Variants in DPF3 observed in about 807,000 individuals in gnomAD.
DPF3 encodes the protein double PHD fingers 3, also known as zinc finger protein DPF3.
DPF3 carries 18 observed loss-of-function variants against 56.8 expected under a neutral mutation model. The observed-to-expected ratio is 0.32, with a 90% confidence interval of 0.22 to 0.47. The LOEUF is 0.47. Among genes scored for constraint, DPF3 ranks in the 20% least tolerant of loss-of-function variants. DPF3 has a pLI of 1.00. For missense variants in DPF3, 403 were observed against 488.8 expected (o/e 0.82, Z 1.65); for synonymous variants, 188 against 180.2 (o/e 1.04, Z -0.35).
rs1878574044 is a variant in DPF3, at chr14:72,731,825, T to C, written c.411A>G (p.Glu137=). Reference sequence around the variant, plus strand: ...GGAATACCTGTATTTCCTGGATGCTTTCCTCCTCCCTGGCATCCACCTTCT... The same window carrying C: ...GGAATACCTGTATTTCCTGGATGCTCTCCTCCTCCCTGGCATCCACCTTCT... ...VEKKVDAREE[E]SIQEIQRVLE... is the part of the protein sequence containing the mutation. Residue 137 remains glutamate, a synonymous_variant, in exon 4 of 11, where the codon GAA becomes GAG. Coordinates refer to ENST00000556509, the MANE Select transcript of DPF3 (RefSeq NM_001280542.3). 6.2e-7 allele frequency: 1 copy of C among 1,613,388 alleles called. No individual in the cohort carries two copies. Among genetic ancestry groups the C allele is most frequent in the Non-Finnish European group, 8.5e-7 (1 of 1,179,776 alleles).
chr14:72,748,333 G>A (rs1229080459), intron 3 of DPF3, among the ~76,000 whole-genome samples: 1 of 152,240 alleles, frequency 6.6e-6, no homozygotes, highest in African/African-American at 2.4e-5. Context: ...ACTTGAGAGA[G>A]ATGATTTAGG....
chr14:72,732,694 A>G (rs1157868992), intron 3 of DPF3, among the ~76,000 whole-genome samples: 1 of 152,156 alleles, frequency 6.6e-6, no homozygotes, highest in Non-Finnish European at 1.5e-5. Flanking sequence ...GGTTGCCAGC[A>G]GAGAAGTGGC....
intron 1 of DPF3, among the ~76,000 whole-genome samples, chr14:72,803,757 A>C (rs1892978884): frequency 6.6e-6 from 1 of 152,234 alleles, no homozygotes; most frequent in Non-Finnish European, 1.5e-5. Context: ...TGAATGCGTG[A>C]ACACATGAAT....
chr14:72,631,321 G>T (rs1378226295), intron 8 of DPF3, among the ~76,000 whole-genome samples: 5 of 152,166 alleles, frequency 3.3e-5, no homozygotes, highest in Non-Finnish European at 7.4e-5. Context: ...TGGCCCCAAA[G>T]AAAAAGAAGC....
intron 1 of DPF3, among the ~76,000 whole-genome samples, chr14:72,893,285 C>A (rs1203621205): frequency 1.3e-5 from 2 of 152,176 alleles, no homozygotes; most frequent in African/African-American, 4.8e-5. Context: ...ATAAGACCTG[C>A]GGCTTCCCTG....
At chr14:72,863,088 ATATATATATATATG>A (rs1444640708) in intron 1 of DPF3, among the ~76,000 whole-genome samples, 26 of 112,600 alleles carry the variant, frequency 2.3e-4, no homozygotes, top group African/African-American at 6.5e-4. Flanking sequence ...ATATATATAT[ATATATATATATATG>A]TGTGTGTATA....
At chr14:72,658,029 C>A (rs1886105522) in intron 8 of DPF3, among the ~76,000 whole-genome samples, 1 of 152,224 alleles carries the variant, frequency 6.6e-6, no homozygotes, top group African/African-American at 2.4e-5. Flanking sequence ...CAGCCTAACT[C>A]TCTTACAAAG....
intron 1 of DPF3, among the ~76,000 whole-genome samples, chr14:72,875,655 A>G (rs1886083645): frequency 6.6e-6 from 1 of 152,202 alleles, no homozygotes; most frequent in Non-Finnish European, 1.5e-5. Context: ...GCTCCCCACC[A>G]TGGAGTGTCT....
chr14:72,619,390 A>AG, intron 10 of DPF3, 23 bp from the exon 11 acceptor site: 1 of 1,535,986 alleles, frequency 6.5e-7, no homozygotes, highest in Admixed American at 2.0e-5. Flanking sequence ...AGACGGCTTT[A>AG]GTAGCAGCCC....
At chr14:72,837,009 A>T (rs1884324307) in intron 1 of DPF3, among the ~76,000 whole-genome samples, 1 of 152,032 alleles carries the variant, frequency 6.6e-6, no homozygotes. Flanking sequence ...AGCTGGAATT[A>T]CAGGCGCGCA....
intron 6 of DPF3, among the ~76,000 whole-genome samples, chr14:72,697,878 C>G (rs1209402589): frequency 6.6e-6 from 1 of 152,168 alleles, no homozygotes; most frequent in Non-Finnish European, 1.5e-5. Context: ...CCTGGCCAGG[C>G]CTGACCCAGC....
At chr14:72,837,520 C>T (rs1884349219) in intron 1 of DPF3, among the ~76,000 whole-genome samples, 1 of 151,700 alleles carries the variant, frequency 6.6e-6, no homozygotes. Flanking sequence ...GGTGGATCAT[C>T]AGAGGTCAGG....
In DPF3 at chr14:72,617,894, C is replaced by T. The variant is rs890047180; in HGVS notation, c.*1403G>A. On this transcript the variant is annotated 3_prime_UTR_variant, in exon 11 of 11. Transcript: ENST00000556509. ...GCCAAGCATGCGCGAGGGTTCCGCT[C>T]ACCGAGACCTGCCCTTTGGGCAAAT... 6.6e-6 allele frequency among the ~76,000 whole-genome samples: 1 copy of T among 152,192 alleles called. No homozygotes were observed. The highest frequency in any genetic ancestry group is 1.5e-5 in the Non-Finnish European group (1 of 68,038).
At chr14:72,852,996 T>A (rs956522933) in intron 1 of DPF3, among the ~76,000 whole-genome samples, 2 of 150,960 alleles carry the variant, frequency 1.3e-5, no homozygotes, top group East Asian at 1.9e-4. Flanking sequence ...TGATTTTTTT[T>A]TAATTAAACT....
chr14:72,859,967 CAAA>C (rs5809595), intron 1 of DPF3, among the ~76,000 whole-genome samples: 3 of 131,868 alleles, frequency 2.3e-5, no homozygotes, highest in Admixed American at 7.6e-5. Flanking sequence ...ATTTAACTGA[CAAA>C]AAAAAAAAAA....
intron 2 of DPF3, among the ~76,000 whole-genome samples, chr14:72,764,805 C>T (rs1164630311): frequency 6.6e-6 from 1 of 152,060 alleles, no homozygotes; most frequent in Non-Finnish European, 1.5e-5. Context: ...TTCCTGAGTT[C>T]CAGCAAATGA....
intron 1 of DPF3, among the ~76,000 whole-genome samples, chr14:72,779,586 C>T (rs74923676): frequency 3.3e-4 from 50 of 152,296 alleles, no homozygotes; most frequent in African/African-American, 1.0e-3. Context: ...AATAGCTACA[C>T]AACCCTCAGC....
At chr14:72,790,850 G>C (rs1159109779) in intron 1 of DPF3, among the ~76,000 whole-genome samples, 1 of 152,116 alleles carries the variant, frequency 6.6e-6, no homozygotes, top group African/African-American at 2.4e-5. Context: ...TCTGTGTGCT[G>C]GCTCTCCTCC....
intron 6 of DPF3, among the ~76,000 whole-genome samples, chr14:72,698,926 T>A (rs1888030163): frequency 6.6e-6 from 1 of 152,156 alleles, no homozygotes; most frequent in Non-Finnish European, 1.5e-5. Context: ...TGGCAGGTGC[T>A]CAATGTCAGC....
Sources: gnomAD v4.1 joint callset for allele counts (sites outside exome capture counted in the v4.1 genomes callset) on GRCh38, gnomAD v4.1.1 for gene constraint, MANE v1.5 for transcripts, NCBI Gene and HGNC (gene_info 2026-07-23, HGNC 2026-07-21) for gene names.